Variants in PARD3B observed in about 807,000 individuals in gnomAD.
PARD3B encodes partitioning defective 3 homolog B.
PARD3B carries 103 observed loss-of-function variants against 130.2 expected under a neutral mutation model. That is an observed-to-expected ratio of 0.79 (90% CI 0.67 to 0.93). The LOEUF (loss-of-function observed/expected upper bound fraction) is 0.93, where lower values mean the gene tolerates loss of function less well. Among genes scored for constraint, PARD3B ranks in the 40% least tolerant of loss-of-function variants. The probability of loss-of-function intolerance (pLI) is 0.00; values close to 1 mark genes in which losing one functional copy is unlikely to be tolerated. For missense variants in PARD3B, 1,609 were observed against 1,499.2 expected (o/e 1.07, Z -1.21); for synonymous variants, 583 against 553.2 (o/e 1.05, Z -0.76).
intron 2 of PARD3B, among the ~76,000 whole-genome samples, chr2:204,898,875 C>T (rs2046743850): frequency 6.6e-6 from 1 of 151,892 alleles, no homozygotes; most frequent in South Asian, 2.1e-4. Flanking sequence ...TATATAATGA[C>T]CTTTGTCTCT....
At position 204,691,923 on chromosome 2, in the gene PARD3B, A is replaced by G. The variant is rs555429625; in HGVS notation, c.222+5641A>G. ...TTATTTGCGAAATGAAAATGCCAGTATGATTAAACTGGAAATGAGAATCCT... is the reference window on the plus strand; with the variant it reads ...TTATTTGCGAAATGAAAATGCCAGTGTGATTAAACTGGAAATGAGAATCCT... On this transcript the variant is annotated intron_variant, in intron 2 of 22. Coordinates refer to ENST00000406610, the MANE Select transcript of PARD3B (RefSeq NM_001302769.2). 5.9e-5 allele frequency among the ~76,000 whole-genome samples: 9 copies of G among 152,282 alleles called. No individual in the cohort carries two copies. The South Asian group carries it at 1.7e-3, about 28-fold the overall frequency.
intron 15 of PARD3B, among the ~76,000 whole-genome samples, chr2:205,243,385 A>G (rs969687526): frequency 1.3e-5 from 2 of 152,202 alleles, no homozygotes; most frequent in African/African-American, 4.8e-5. Flanking sequence ...GGGGTAAGCA[A>G]TATCCTCTTA....
chr2:204,597,355 G>A (rs886122368), intron 1 of PARD3B, among the ~76,000 whole-genome samples: 1 of 152,020 alleles, frequency 6.6e-6, no homozygotes, highest in Non-Finnish European at 1.5e-5. Context: ...AAAGTCTCCA[G>A]GTGTGGATGC....
chr2:204,719,038 G>A (rs1194196180), intron 2 of PARD3B, among the ~76,000 whole-genome samples: 2 of 152,216 alleles, frequency 1.3e-5, no homozygotes, highest in Admixed American at 1.3e-4. Context: ...TTATGATCCA[G>A]TGGAGAGATA....
rs553461745 is a variant in PARD3B, at chr2:205,435,240, G to A, written c.2742-5130G>A. 6.6e-4 allele frequency among the ~76,000 whole-genome samples: 101 copies of A among 151,952 alleles called. No individual in the cohort carries two copies. The Middle Eastern group carries it at 0.041, about 62-fold the overall frequency. ...ATATATATCATATAAATATTTATAT[G>A]TGTAGTACCCTCACCCTTACATACA... is the stretch of plus-strand genomic sequence containing the variant. On this transcript the variant is annotated intron_variant, in intron 19 of 22. Transcript: ENST00000406610.
chr2:204,728,978 A>G (rs1442780861), intron 2 of PARD3B, among the ~76,000 whole-genome samples: 1 of 152,170 alleles, frequency 6.6e-6, no homozygotes, highest in Non-Finnish European at 1.5e-5. Context: ...AAAGATTTTC[A>G]TTCTCCATTA....
At chr2:205,333,958 T>G (rs1437617801) in intron 18 of PARD3B, among the ~76,000 whole-genome samples, 2 of 152,212 alleles carry the variant, frequency 1.3e-5, no homozygotes, top group Non-Finnish European at 2.9e-5. Flanking sequence ...TCCTAATTGA[T>G]AGCATGGAGA....
intron 19 of PARD3B, among the ~76,000 whole-genome samples, chr2:205,435,512 GCTAT>G (rs1317882751): frequency 6.6e-6 from 1 of 151,354 alleles, no homozygotes; most frequent in African/African-American, 2.4e-5. Flanking sequence ...CTTTTTTACT[GCTAT>G]CTCTTTTTTA....
At chr2:205,023,452 C>CTT (rs11319827) in intron 3 of PARD3B, among the ~76,000 whole-genome samples, 7 of 88,720 alleles carry the variant, frequency 7.9e-5, no homozygotes, top group African/African-American at 2.5e-4. Flanking sequence ...ATGCCCACAC[C>CTT]TTTTTTTTTT....
At chr2:205,043,258 C>T (rs1333972548) in intron 3 of PARD3B, among the ~76,000 whole-genome samples, 1 of 152,032 alleles carries the variant, frequency 6.6e-6, no homozygotes, top group Non-Finnish European at 1.5e-5. Flanking sequence ...GCTTTTTAAG[C>T]AGACGAGATA....
chr2:205,315,542 G>C (rs761987809), intron 18 of PARD3B, among the ~76,000 whole-genome samples: 9 of 152,164 alleles, frequency 5.9e-5, no homozygotes, highest in Non-Finnish European at 1.2e-4. Context: ...TTTGATATGA[G>C]GCCTGGGAAT....
chr2:205,518,703 G>A (rs542529587), intron 21 of PARD3B, among the ~76,000 whole-genome samples: 1 of 152,278 alleles, frequency 6.6e-6, no homozygotes, highest in African/African-American at 2.4e-5. Context: ...GTGTGTTTTT[G>A]TGTTAGCTGG....
chr2:205,617,389 G>T lies in PARD3B; in HGVS notation c.*1576G>T, dbSNP rs929581827. The T allele has an allele frequency of 3.3e-5, 5 of 152,014 alleles. No homozygotes were observed. The highest frequency in any genetic ancestry group is 1.2e-4 in the African/African-American group (5 of 41,360). The allele number at this position is 152,014 out of a possible 1,614,324, so 9.4% of individuals were successfully genotyped here. On this transcript the variant is annotated 3_prime_UTR_variant, in exon 23 of 23. Transcript: ENST00000406610. ...TTTAATTTAGGTCTATTTTGGCTGA[G>T]ATTAGCATACCTCTGACTCACAGGA...
rs1395558455 is a variant in PARD3B at position 205,121,920 on chromosome 2, C to G, written c.1136C>G (p.Ala379Gly). The change falls in exon 8 of 23, where the codon GCA (alanine) becomes GGA (glycine). Residue 379 changes from alanine to glycine, a missense_variant. By Grantham distance (60) the Ala-to-Gly change is moderately conservative (BLOSUM62 0). Coordinates refer to ENST00000406610, the MANE Select transcript of PARD3B (RefSeq NM_001302769.2). The surrounding 1 kb of genome is among the most constrained non-coding windows in gnomAD (Gnocchi z 5.0). Reference protein sequence around the residue: ...PLMGFGSNKNAKKIKIDLKKG... With the variant: ...PLMGFGSNKNGKKIKIDLKKG... Reference sequence around the variant, plus strand: ...ATGGGATTTGGCAGCAATAAAAATGCAAAGAAAATTAAGATTGACCTAAAG... The same window carrying G: ...ATGGGATTTGGCAGCAATAAAAATGGAAAGAAAATTAAGATTGACCTAAAG... 1 of 1,611,172 alleles carries G rather than the reference C, an allele frequency of 6.2e-7. No homozygotes were observed. The highest frequency in any genetic ancestry group is 8.5e-7 in the Non-Finnish European group (1 of 1,178,604).
At chr2:204,893,930 AAATT>A (rs1262198505) in intron 2 of PARD3B, among the ~76,000 whole-genome samples, 6 of 152,170 alleles carry the variant, frequency 3.9e-5, no homozygotes, top group South Asian at 2.1e-4. Flanking sequence ...AATGAATGAG[AAATT>A]AATTAAGGCT....
chr2:204,641,693 G>C (rs1308268348), intron 1 of PARD3B, among the ~76,000 whole-genome samples: 2 of 152,148 alleles, frequency 1.3e-5, no homozygotes, highest in Non-Finnish European at 2.9e-5. Context: ...TTCATATGTA[G>C]TTGTCACTAC....
At chr2:205,389,027 G>T (rs2045759225) in intron 18 of PARD3B, among the ~76,000 whole-genome samples, 1 of 152,176 alleles carries the variant, frequency 6.6e-6, no homozygotes. Flanking sequence ...GGAGATCCTT[G>T]TAGGCAACAT....
At chr2:205,496,701 T>G (rs975166670) in intron 20 of PARD3B, among the ~76,000 whole-genome samples, 1 of 152,194 alleles carries the variant, frequency 6.6e-6, no homozygotes, top group African/African-American at 2.4e-5. Context: ...ATTTTTAAAT[T>G]TATGCATTTA....
chr2:205,531,403 A>G (rs1390004658), intron 21 of PARD3B, among the ~76,000 whole-genome samples: 1 of 152,236 alleles, frequency 6.6e-6, no homozygotes, highest in East Asian at 1.9e-4. Flanking sequence ...AACAGTCTAA[A>G]GAAGAATCGC....
Sources: gnomAD v4.1 joint callset for allele counts (sites outside exome capture counted in the v4.1 genomes callset) on GRCh38, gnomAD v4.1.1 for gene constraint, Gnocchi (gnomAD v3.1) non-coding constraint, MANE v1.5 for transcripts, NCBI Gene and HGNC (gene_info 2026-07-23, HGNC 2026-07-21) for gene names.